The following PKNOX2 variants were observed in gnomAD, a reference collection of about 807,000 sequenced individuals.
The protein encoded by PKNOX2 is PBX/knotted 1 homeobox 2, also known as homeobox protein PKNOX2.
PKNOX2 carries 14 observed loss-of-function variants against 53.1 expected under a neutral mutation model. The ratio of observed to expected loss-of-function variants is 0.26; its 90% confidence interval spans 0.17 to 0.41. PKNOX2 has a LOEUF of 0.41. PKNOX2 is among the 10% of genes least tolerant of loss of function. The pLI, the probability that PKNOX2 is intolerant of heterozygous loss-of-function variation, is 1.00. For missense variants in PKNOX2, 496 were observed against 602.8 expected (o/e 0.82, Z 1.85); for synonymous variants, 257 against 242.8 (o/e 1.06, Z -0.54).
At chr11:125,261,638 A>G (rs1305986974) in intron 2 of PKNOX2, among the ~76,000 whole-genome samples, 2 of 152,208 alleles carry the variant, frequency 1.3e-5, no homozygotes, top group Non-Finnish European at 2.9e-5. Flanking sequence ...GGCCAGAAGC[A>G]GGAGCACCAG....
chr11:125,404,525 A>G (rs1191698974), intron 7 of PKNOX2, among the ~76,000 whole-genome samples: 1 of 152,156 alleles, frequency 6.6e-6, no homozygotes, highest in Non-Finnish European at 1.5e-5. Context: ...CTCTGCCAGA[A>G]CGGAGGGATG....
At chr11:125,287,657 G>A (rs2135888324) in intron 2 of PKNOX2, 1 of 152,398 alleles carries the variant, frequency 6.6e-6, no homozygotes, top group Non-Finnish European at 1.5e-5. Flanking sequence ...AGTGGGTTGG[G>A]GAGGAAAGGG....
At chr11:125,229,628 T>C (rs1297271682) in intron 1 of PKNOX2, among the ~76,000 whole-genome samples, 1 of 151,810 alleles carries the variant, frequency 6.6e-6, no homozygotes, top group African/African-American at 2.4e-5. Flanking sequence ...GTTGGTAGGG[T>C]GGATGCGCAA....
intron 6 of PKNOX2, among the ~76,000 whole-genome samples, chr11:125,390,825 T>C (rs1370193719): frequency 6.6e-6 from 1 of 152,230 alleles, no homozygotes; most frequent in Non-Finnish European, 1.5e-5. Context: ...TCCAAAATGA[T>C]TTGACTTGTC....
At chr11:125,292,082 C>T (rs1947342169) in intron 2 of PKNOX2, among the ~76,000 whole-genome samples, 1 of 152,124 alleles carries the variant, frequency 6.6e-6, no homozygotes. Flanking sequence ...GGACATGTTA[C>T]CACAATTTTT....
chr11:125,185,586 A>T (rs1347838772), intron 1 of PKNOX2, among the ~76,000 whole-genome samples: 1 of 152,180 alleles, frequency 6.6e-6, no homozygotes, highest in Non-Finnish European at 1.5e-5. Context: ...TATATGCTTC[A>T]TATAAGCAGA....
intron 1 of PKNOX2, among the ~76,000 whole-genome samples, chr11:125,203,751 G>A (rs1483393471): frequency 6.6e-6 from 1 of 152,192 alleles, no homozygotes; most frequent in African/African-American, 2.4e-5. Flanking sequence ...GGAGTCCTGG[G>A]TGCTTTGGGT....
At chr11:125,172,535 T>C (rs1169804280) in intron 1 of PKNOX2, among the ~76,000 whole-genome samples, 5 of 152,142 alleles carry the variant, frequency 3.3e-5, no homozygotes, top group Non-Finnish European at 4.4e-5. Context: ...AGTCTGAGCA[T>C]GGTGGATTCC....
chr11:125,302,122 C>T (rs1224083109), intron 2 of PKNOX2, among the ~76,000 whole-genome samples: 2 of 152,098 alleles, frequency 1.3e-5, no homozygotes, highest in Non-Finnish European at 2.9e-5. Context: ...TGGAGGAGGT[C>T]CAGAGAGGCC....
intron 2 of PKNOX2, among the ~76,000 whole-genome samples, chr11:125,301,130 G>A (rs1210805935): frequency 1.3e-5 from 2 of 148,540 alleles, no homozygotes; most frequent in African/African-American, 2.4e-5. Flanking sequence ...TAACTTCCAG[G>A]GCTCTGGGCT....
intron 2 of PKNOX2, among the ~76,000 whole-genome samples, chr11:125,293,751 T>C (rs1057372824): frequency 6.6e-6 from 1 of 151,258 alleles, no homozygotes; most frequent in African/African-American, 2.4e-5. Flanking sequence ...TCACACACAC[T>C]CACACACACC....
chr11:125,279,102 G>A (rs138630893), intron 2 of PKNOX2, among the ~76,000 whole-genome samples: 244 of 152,324 alleles, frequency 1.6e-3, no homozygotes, highest in Admixed American at 3.1e-3. Context: ...CTTAGATTCC[G>A]TCCCTGTCAT....
chr11:125,236,753 C>A (rs549512298), intron 2 of PKNOX2, among the ~76,000 whole-genome samples: 3 of 152,068 alleles, frequency 2.0e-5, no homozygotes, highest in Admixed American at 6.5e-5. Context: ...GGGGAGCCTG[C>A]CTTTTGGAGG....
intron 5 of PKNOX2, among the ~76,000 whole-genome samples, chr11:125,379,007 G>T (rs1591548844): frequency 6.7e-6 from 1 of 149,782 alleles, no homozygotes; most frequent in South Asian, 2.1e-4. Context: ...GGTCCAAAAA[G>T]AAAGAAAGAG....
At chr11:125,426,879 C>T (rs972255569) in intron 10 of PKNOX2, among the ~76,000 whole-genome samples, 1 of 152,200 alleles carries the variant, frequency 6.6e-6, no homozygotes, top group Non-Finnish European at 1.5e-5. Flanking sequence ...AGCTTTGCCT[C>T]AGGGAGTCGG....
chr11:125,407,985 C>T (rs1955219901), intron 7 of PKNOX2, among the ~76,000 whole-genome samples: 1 of 152,132 alleles, frequency 6.6e-6, no homozygotes, highest in Non-Finnish European at 1.5e-5. Flanking sequence ...TCCTCCAGTG[C>T]CCACGCTGCT....
At chr11:125,378,973 TG>T (rs111784666) in intron 5 of PKNOX2, among the ~76,000 whole-genome samples, 15,201 of 150,348 alleles carry the variant, frequency 0.1, 1,381 homozygotes, top group African/African-American at 0.25. Flanking sequence ...AAGAAATGTT[TG>T]TTTTTTTTTT....
At chr11:125,314,057 T>C (rs941277864) in intron 2 of PKNOX2, among the ~76,000 whole-genome samples, 35 of 152,152 alleles carry the variant, frequency 2.3e-4, no homozygotes, top group African/African-American at 8.2e-4. Flanking sequence ...ATAGCTGAGG[T>C]CCTGGGCTGC....
At chr11:125,374,831 T>C (rs73628713) in intron 5 of PKNOX2, among the ~76,000 whole-genome samples, 5,454 of 151,880 alleles carry the variant, frequency 0.036, 298 homozygotes, top group African/African-American at 0.12. Flanking sequence ...AGAAGGCTCT[T>C]GGTGAATGGT....
Sources: gnomAD v4.1 joint callset for allele counts (sites outside exome capture counted in the v4.1 genomes callset) on GRCh38, gnomAD v4.1.1 for gene constraint, MANE v1.5 for transcripts, NCBI Gene and HGNC (gene_info 2026-07-23, HGNC 2026-07-21) for gene names.